The following ARHGEF2 variants were observed in gnomAD, a reference collection of about 807,000 sequenced individuals.
ARHGEF2 encodes the protein rho guanine nucleotide exchange factor 2.
ARHGEF2 carries 22 observed loss-of-function variants against 121.0 expected under a neutral mutation model. The ratio of observed to expected loss-of-function variants is 0.18; its 90% CI spans 0.13 to 0.26. ARHGEF2 has a LOEUF of 0.26. ARHGEF2 is among the 10% of genes least tolerant of loss of function. ARHGEF2 has a pLI of 1.00. For synonymous variants in ARHGEF2, 487 were observed against 530.0 expected (o/e 0.92, Z 1.11); for missense variants, 907 against 1,336.0 (o/e 0.68, Z 5.01).
chr1:155,969,243 G>A lies in ARHGEF2; in HGVS notation c.121C>T (p.Leu41Phe). 1 of 1,614,230 alleles carries A rather than the reference G, an allele frequency of 6.2e-7. No homozygotes were observed. The highest frequency in any genetic ancestry group is 8.5e-7 in the Non-Finnish European group (1 of 1,180,030). The part of the protein sequence containing the change: ...AKDARYTNGH[L>F]FTTISVSGMT... ...CCTGAAACTGAAATGGTGGTGAAGAGGTGCCCATTGGTATAGCGGGCATCC... is the reference window on the plus strand; with the variant it reads ...CCTGAAACTGAAATGGTGGTGAAGAAGTGCCCATTGGTATAGCGGGCATCC... Residue 41 changes from leucine to phenylalanine, a missense_variant, in exon 2 of 22, where the codon CTC (leucine) becomes TTC (phenylalanine). This residue lies in a region of ARHGEF2 where 475 missense variants were observed against 776.5 expected (regional missense o/e 0.61). Coordinates refer to ENST00000361247, the MANE Select transcript of ARHGEF2 (RefSeq NM_001162383.2).
At position 155,962,571 on chromosome 1, in the gene ARHGEF2, G is replaced by A. The variant is rs765717766; in HGVS notation, c.1101+22C>T. 5 of 1,611,724 alleles carry A rather than the reference G, an allele frequency of 3.1e-6. No homozygotes were observed. Among genetic ancestry groups the A allele is most frequent in the Middle Eastern group, 2.1e-4 (1 of 4,854 alleles). ...AGGGTGGGTTTGGGCCATGAGCATG[G>A]GATCTGGAGAGGTCCGCTCACCCGG... is the stretch of plus-strand genomic sequence containing the variant. On this transcript the variant is annotated intron_variant, in intron 9 of 21. Coordinates refer to ENST00000361247, the MANE Select transcript of ARHGEF2 (RefSeq NM_001162383.2). The surrounding 1 kb of genome is among the most constrained non-coding windows in gnomAD (Gnocchi z 5.8).
chr1:155,978,406 T>C lies in ARHGEF2; in HGVS notation c.22A>G (p.Thr8Ala). 1 of 1,515,526 alleles carries C rather than the reference T, an allele frequency of 6.6e-7. No individual in the cohort carries two copies. Among genetic ancestry groups the C allele is most frequent in the Non-Finnish European group, 8.9e-7 (1 of 1,122,338 alleles). The allele number at this position is 1,515,526 out of a possible 1,614,324, so 93.9% of individuals were successfully genotyped here. A position where few individuals can be genotyped will look rare whatever the true frequency, so the allele number is the denominator to read the frequency against. MSRIESLTRARIDRSREL... is the reference protein window; with the variant it reads MSRIESLARARIDRSREL... ...CTGCTCCGGTCGATCCGCGCCCGCG[T>C]GAGGGATTCGATCCGAGACATAATC... The change falls in exon 1 of 22, where the codon ACG becomes GCG. Residue 8 changes from threonine to alanine, a missense_variant. Coordinates refer to ENST00000361247, the MANE Select transcript of ARHGEF2 (RefSeq NM_001162383.2). This position sits in a 1 kb window ranked among gnomAD's most constrained non-coding sequence, Gnocchi z 4.1.
At position 155,950,923 on chromosome 1, in the gene ARHGEF2, G is replaced by A; in HGVS notation, c.2609C>T (p.Pro870Leu). Residue 870 changes from proline to leucine, a missense_variant, in exon 20 of 22, where the codon CCA becomes CTA. Transcript: ENST00000361247. This position sits in a 1 kb window ranked among gnomAD's most constrained non-coding sequence, Gnocchi z 5.2. The part of the protein sequence containing the change: ...LAALGQTEPL[P>L]AEAPWARRPV... ...TCTGCGGGCCCAGGGGGCCTCAGCT[G>A]GGAGTGGCTCGGTCTGGCCCAGGGC... The A allele has an allele frequency of 6.2e-7, 1 of 1,604,902 alleles. No homozygotes were observed. Among genetic ancestry groups the A allele is most frequent in the East Asian group, 2.2e-5 (1 of 44,658 alleles).
intron 13 of ARHGEF2, among the ~76,000 whole-genome samples, chr1:155,955,863 G>A (rs901556196): frequency 1.3e-5 from 2 of 151,708 alleles, no homozygotes; most frequent in Non-Finnish European, 2.9e-5. Flanking sequence ...CTACAGGCAC[G>A]CACCACCATG....
At position 155,962,308 on chromosome 1, in the gene ARHGEF2, G is replaced by T; in HGVS notation, c.1102-86C>A. On this transcript the variant is annotated intron_variant, in intron 9 of 21. Coordinates refer to ENST00000361247, the MANE Select transcript of ARHGEF2 (RefSeq NM_001162383.2). The surrounding 1 kb of genome is among the most constrained non-coding windows in gnomAD (Gnocchi z 5.8). ...TGAGCTCTGGTGCTGGCCCTGGCGT[G>T]GCCATTTACCTCATGCTTGCCTAGG... 1 of 1,388,190 alleles carries T rather than the reference G, an allele frequency of 7.2e-7. No homozygotes were observed. The highest frequency in any genetic ancestry group is 1.0e-6 in the Non-Finnish European group (1 of 994,370). The allele number at this position is 1,388,190 out of a possible 1,614,324, so 86.0% of individuals were successfully genotyped here.
intron 4 of ARHGEF2, 86 bp downstream of exon 4, chr1:155,966,330 A>G: frequency 7.4e-7 from 1 of 1,350,812 alleles, no homozygotes; most frequent in South Asian, 1.2e-5. Context: ...GCCTGGGAAC[A>G]ACCTTAGTGG....
intron 1 of ARHGEF2, chr1:155,970,734 G>A (rs569968060): frequency 2.9e-5 from 29 of 985,882 alleles, no homozygotes; most frequent in Admixed American, 1.8e-4. Context: ...GGCAGAAAAT[G>A]GTAGAAAGAA....
At position 155,951,431 on chromosome 1, in the gene ARHGEF2, C is replaced by T. The variant is rs374018742; in HGVS notation, c.2259+52G>A. The T allele has an allele frequency of 6.2e-7, 1 of 1,608,914 alleles. No individual in the cohort carries two copies. Among genetic ancestry groups the T allele is most frequent in the Admixed American group, 1.7e-5 (1 of 59,984 alleles). Reference sequence around the variant, plus strand: ...GATGACCATGCCCCACCTAAACAGGCATCTCTAGCCTGGCTCCTCCCCTTC... The same window carrying T: ...GATGACCATGCCCCACCTAAACAGGTATCTCTAGCCTGGCTCCTCCCCTTC... On this transcript the variant is annotated intron_variant, in intron 19 of 21. Coordinates refer to ENST00000361247, the MANE Select transcript of ARHGEF2 (RefSeq NM_001162383.2). The surrounding 1 kb of genome is among the most constrained non-coding windows in gnomAD (Gnocchi z 5.1).
chr1:155,950,578 G>A lies in ARHGEF2; in HGVS notation c.2704-96C>T, dbSNP rs552402438. On this transcript the variant is annotated intron_variant, in intron 20 of 21. Transcript: ENST00000361247. This position sits in a 1 kb window ranked among gnomAD's most constrained non-coding sequence, Gnocchi z 5.2. ...CTGAAGGCAGCAGCTCTCCCCCCTG[G>A]GGCTCACCCATGAGTCCCCTTCAGG... 1 of 1,342,176 alleles carries A rather than the reference G, an allele frequency of 7.5e-7. No homozygotes were observed. Among genetic ancestry groups the A allele is most frequent in the African/African-American group, 1.4e-5 (1 of 69,800 alleles). The allele number at this position is 1,342,176 out of a possible 1,614,324, so 83.1% of individuals were successfully genotyped here.
intron 21 of ARHGEF2, among the ~76,000 whole-genome samples, chr1:155,949,801 T>C (rs1447191600): frequency 6.6e-6 from 1 of 151,758 alleles, no homozygotes; most frequent in Non-Finnish European, 1.5e-5. Flanking sequence ...CGCTTGAACC[T>C]GGAAGGCAGA....
In ARHGEF2 at chr1:155,962,070, C is replaced by A; in HGVS notation, c.1219+35G>T. 1 of 1,612,108 alleles carries A rather than the reference C, an allele frequency of 6.2e-7. No individual in the cohort carries two copies. The highest frequency in any genetic ancestry group is 1.1e-5 in the South Asian group (1 of 91,010). On this transcript the variant is annotated intron_variant, in intron 10 of 21. Coordinates refer to ENST00000361247, the MANE Select transcript of ARHGEF2 (RefSeq NM_001162383.2). The surrounding 1 kb of genome is among the most constrained non-coding windows in gnomAD (Gnocchi z 5.8). ...GCCTTTCCTCACCCCAGGTGGCCGT[C>A]TCCCAGTGGCCCTCTCCTGGGCCTG...
At chr1:155,972,013 C>T (rs1425340365) in intron 1 of ARHGEF2, among the ~76,000 whole-genome samples, 2 of 151,972 alleles carry the variant, frequency 1.3e-5, no homozygotes, top group Non-Finnish European at 2.9e-5. Flanking sequence ...GCAGCTCTGC[C>T]CCAGTGCTGC....
intron 1 of ARHGEF2, among the ~76,000 whole-genome samples, chr1:155,976,739 G>T (rs932891817): frequency 6.6e-6 from 1 of 151,230 alleles, no homozygotes; most frequent in East Asian, 2.0e-4. Flanking sequence ...TCTACTCCAG[G>T]GTCTCAGCTC....
At chr1:155,978,770 C>T (rs1681817564), upstream of ARHGEF2, 1 of 870,802 alleles carries the variant, frequency 1.1e-6, no homozygotes. The surrounding 1 kb of genome is among the most constrained non-coding windows in gnomAD (Gnocchi z 4.1). Context: ...GCCCTCTAGC[C>T]CCAGAGACCC....
upstream of ARHGEF2, chr1:155,978,674 G>T: frequency 1.9e-6 from 2 of 1,046,532 alleles, no homozygotes; most frequent in Non-Finnish European, 2.5e-6. This position sits in a 1 kb window ranked among gnomAD's most constrained non-coding sequence, Gnocchi z 4.1. Context: ...GCCAGGGTTT[G>T]TGTGGGGGCA....
chr1:155,956,697 C>T (rs1337767345), intron 13 of ARHGEF2, among the ~76,000 whole-genome samples: 1 of 151,756 alleles, frequency 6.6e-6, no homozygotes, highest in African/African-American at 2.4e-5. Flanking sequence ...GTGGCTCATG[C>T]CTGTAATCCC....
chr1:155,960,721 C>A (rs955034171), intron 11 of ARHGEF2, among the ~76,000 whole-genome samples: 1 of 152,194 alleles, frequency 6.6e-6, no homozygotes, highest in Admixed American at 6.5e-5. Context: ...GCAGGGATTT[C>A]ATGACACAGG....
At chr1:155,960,907 C>T (rs1677768069) in intron 11 of ARHGEF2, among the ~76,000 whole-genome samples, 1 of 152,206 alleles carries the variant, frequency 6.6e-6, no homozygotes, top group Non-Finnish European at 1.5e-5. Context: ...GGCCCCTGAT[C>T]TGCTCCCTCT....
At chr1:155,954,119 G>C in intron 14 of ARHGEF2, among the ~76,000 whole-genome samples, 1 of 123,720 alleles carries the variant, frequency 8.1e-6, no homozygotes, top group South Asian at 2.9e-4. Context: ...GTACCATCAT[G>C]CCTAGCTATT....
Sources: gnomAD v4.1 joint callset for allele counts (sites outside exome capture counted in the v4.1 genomes callset) on GRCh38, gnomAD v4.1.1 for gene constraint, gnomAD v4.1.1 regional missense constraint, Gnocchi (gnomAD v3.1) non-coding constraint, MANE v1.5 for transcripts, NCBI Gene and HGNC (gene_info 2026-07-23, HGNC 2026-07-21) for gene names.